The following FRMPD4 variants were observed in gnomAD, a reference collection of about 807,000 sequenced individuals.
FRMPD4 encodes FERM and PDZ domain containing 4.
A neutral mutation model predicts 94.1 loss-of-function variants in FRMPD4; 22 were observed. The ratio of observed to expected loss-of-function variants is 0.23; its 90% CI spans 0.17 to 0.33. The LOEUF is 0.33. FRMPD4 is among the 10% of genes least tolerant of loss of function. The pLI, the probability that FRMPD4 is intolerant of heterozygous loss-of-function variation, is 1.00. For synonymous variants in FRMPD4, 631 were observed against 548.6 expected (o/e 1.15, Z -2.10); for missense variants, 1,111 against 1,339.9 (o/e 0.83, Z 2.67).
At chrX:12,307,691 C>T (rs143751281) in intron 1 of FRMPD4, among the ~76,000 whole-genome samples, 1,475 of 111,126 alleles carry the variant, frequency 0.013, 23 homozygotes, top group African/African-American at 0.047. Context: ...CAGATCAGTA[C>T]ACTTTGCTGC....
Position 12,138,702 on chromosome X carries a change from C to T in FRMPD4, c.-270C>T. On this transcript the variant is annotated 5_prime_UTR_variant, in exon 1 of 17. Transcript: ENST00000675598. The stretch of plus-strand genomic sequence containing the variant: ...GCGCTCCCCGCCCCCGCCTCTTGCG[C>T]CCTGCCTGGCTCCCTCTCCATTGAG... 1 of 301,874 alleles carries T rather than the reference C, an allele frequency of 3.3e-6. No homozygotes were observed. The highest frequency in any genetic ancestry group is 4.8e-5 in the East Asian group (1 of 20,980). 24.9% of individuals were successfully genotyped at this position (301,874 alleles called of 1,213,427 possible).
chrX:12,388,834 T>TGTG (rs1370900892), intron 1 of FRMPD4, among the ~76,000 whole-genome samples: 5 of 81,647 alleles, frequency 6.1e-5, no homozygotes, highest in African/African-American at 2.5e-4. Flanking sequence ...TATATATATA[T>TGTG]ATATATATAT....
chrX:12,462,823 T>A (rs1269070416), intron 1 of FRMPD4, among the ~76,000 whole-genome samples: 2 of 110,998 alleles, frequency 1.8e-5, no homozygotes, highest in African/African-American at 6.6e-5. Context: ...ACCCCGTCTG[T>A]ACAAAAAATT....
intron 4 of FRMPD4, among the ~76,000 whole-genome samples, chrX:12,649,368 A>G (rs928408702): frequency 8.9e-6 from 1 of 111,890 alleles, no homozygotes; most frequent in African/African-American, 3.3e-5. Context: ...GATTACTAAT[A>G]ATTTTTAATG....
intron 2 of FRMPD4, among the ~76,000 whole-genome samples, chrX:12,546,907 T>A (rs2148322579): frequency 9.6e-6 from 1 of 104,110 alleles, no homozygotes; most frequent in African/African-American, 3.5e-5. Flanking sequence ...ATCCCAGCAG[T>A]TTGGGAGGCT....
intron 1 of FRMPD4, among the ~76,000 whole-genome samples, chrX:12,439,747 G>A (rs1451305422): frequency 8.9e-6 from 1 of 112,252 alleles, no homozygotes; most frequent in Non-Finnish European, 1.9e-5. Context: ...GCCAGCAGAT[G>A]TGATGTTTCC....
chrX:12,302,504 G>C (rs73632675), intron 1 of FRMPD4, among the ~76,000 whole-genome samples: 5,971 of 111,283 alleles, frequency 0.054, 428 homozygotes, highest in African/African-American at 0.19. Flanking sequence ...TCTTATTAGA[G>C]GTAAGGAAAT....
chrX:12,547,011 TAAAAAAAAAAAA>T (rs57946725), intron 2 of FRMPD4, among the ~76,000 whole-genome samples: 15 of 33,769 alleles, frequency 4.4e-4, no homozygotes, highest in African/African-American at 1.3e-3. Flanking sequence ...ACTGTCTCTT[TAAAAAAAAAAAA>T]AAAAAAAAAA....
Position 12,710,333 on chromosome X carries a change from C to T in FRMPD4, c.1471-66C>T, listed in dbSNP as rs749810015. ...CCTTTTTCCATAAGCATAAATGCAG[C>T]TGTTGACACTCCAGGGATGTTATTA... On this transcript the variant is annotated intron_variant, in intron 13 of 16. Coordinates refer to ENST00000675598, the MANE Select transcript of FRMPD4 (RefSeq NM_001368397.1). 1.0e-5 allele frequency: 9 copies of T among 876,042 alleles called. No homozygotes were observed. The East Asian group carries it at 2.9e-4, about 28-fold the overall frequency. 72.2% of individuals were successfully genotyped at this position (876,042 alleles called of 1,213,427 possible).
At chrX:11,843,981 T>TC (rs1314020271) in intron 1 of FRMPD4, among the ~76,000 whole-genome samples, 1 of 70,914 alleles carries the variant, frequency 1.4e-5, no homozygotes, top group African/African-American at 7.8e-5. Context: ...ATGAATTCTT[T>TC]TTTTTTTTTT....
At chrX:12,453,789 A>T (rs1257209732) in intron 1 of FRMPD4, among the ~76,000 whole-genome samples, 1 of 111,973 alleles carries the variant, frequency 8.9e-6, no homozygotes, top group African/African-American at 3.2e-5. Flanking sequence ...TTGATTTCTG[A>T]TATAGAATGA....
chrX:12,473,563 G>A (rs903251067), intron 1 of FRMPD4, among the ~76,000 whole-genome samples: 1 of 109,697 alleles, frequency 9.1e-6, no homozygotes, highest in East Asian at 2.8e-4. Flanking sequence ...CTCTATTCAG[G>A]AAACCCACCT....
intron 1 of FRMPD4, among the ~76,000 whole-genome samples, chrX:12,163,150 C>T (rs904938563): frequency 9.0e-6 from 1 of 110,579 alleles, no homozygotes; most frequent in Non-Finnish European, 1.9e-5. Flanking sequence ...TAAATGGAGC[C>T]ATTAGGTTCC....
intron 4 of FRMPD4, among the ~76,000 whole-genome samples, chrX:12,633,720 A>G (rs2059417719): frequency 8.9e-6 from 1 of 112,313 alleles, no homozygotes; most frequent in Non-Finnish European, 1.9e-5. Flanking sequence ...TTCACTCTGA[A>G]ATTTGTTTTG....
intron 2 of FRMPD4, among the ~76,000 whole-genome samples, chrX:12,554,154 A>G (rs780518800): frequency 2.0e-4 from 22 of 112,336 alleles, no homozygotes; most frequent in Non-Finnish European, 3.4e-4. Context: ...TGTTTGTCTC[A>G]ATAAAAAATA....
chrX:12,193,771 A>AAGGAAGG, intron 1 of FRMPD4, among the ~76,000 whole-genome samples: 1 of 17,292 alleles, frequency 5.8e-5, no homozygotes, highest in African/African-American at 3.6e-4. Flanking sequence ...AGAAAGAAAG[A>AAGGAAGG]AAGGAAGGAA....
chrX:12,605,953 T>G (rs2059128985), intron 2 of FRMPD4, among the ~76,000 whole-genome samples: 1 of 112,400 alleles, frequency 8.9e-6, no homozygotes, highest in Non-Finnish European at 1.9e-5. Flanking sequence ...TTTGTCTGCT[T>G]TCTTTCCCAG....
At chrX:12,115,629 C>T (rs201719761) in intron 3 of FRMPD4, among the ~76,000 whole-genome samples, 1,331 of 38,056 alleles carry the variant, frequency 0.035, 27 homozygotes, top group African/African-American at 0.099. Context: ...CAATGCTGGC[C>T]TCTTTTTTTT....
chrX:12,624,587 A>G (rs1176220819), intron 4 of FRMPD4, among the ~76,000 whole-genome samples: 1 of 111,930 alleles, frequency 8.9e-6, no homozygotes, highest in Non-Finnish European at 1.9e-5. Flanking sequence ...AGAAGAATAC[A>G]GCAAGAGAGG....
Sources: gnomAD v4.1 joint callset for allele counts (sites outside exome capture counted in the v4.1 genomes callset) on GRCh38, gnomAD v4.1.1 for gene constraint, MANE v1.5 for transcripts, NCBI Gene and HGNC (gene_info 2026-07-23, HGNC 2026-07-21) for gene names.